SLC27A6: variants seen among roughly 807,000 people sequenced by gnomAD.
The protein encoded by SLC27A6 is long-chain fatty acid transport protein 6.
SLC27A6 carries 74 observed loss-of-function variants against 63.9 expected under a neutral mutation model. That is an observed-to-expected ratio of 1.16 (90% CI 0.96 to 1.40). The LOEUF (loss-of-function observed/expected upper bound fraction) is 1.40, where lower values mean the gene tolerates loss of function less well. SLC27A6 is among the 40% of genes most tolerant of loss of function. SLC27A6 has a pLI of 0.00. For missense variants in SLC27A6, 794 were observed against 732.9 expected (o/e 1.08, Z -0.96); for synonymous variants, 287 against 260.8 (o/e 1.10, Z -0.97).
Position 128,990,171 on chromosome 5 carries a change from C to T in SLC27A6, c.845-169C>T, listed in dbSNP as rs374118900. 5.7e-4 allele frequency among the ~76,000 whole-genome samples: 87 copies of T among 152,164 alleles called. No individual in the cohort carries two copies. The South Asian group carries it at 0.013, about 22-fold the overall frequency. ...ACAATATTTTAACAGAGTTTTTGGA[C>T]GGTAAAAATTAGTGTTTCCAAATGA... On this transcript the variant is annotated intron_variant, in intron 3 of 9. Coordinates refer to ENST00000262462, the MANE Select transcript of SLC27A6 (RefSeq NM_001017372.3).
At chr5:129,027,080 G>A (rs745891985) in intron 6 of SLC27A6, 53 bp from the exon 7 acceptor site, 656 of 1,393,388 alleles carry the variant, frequency 4.7e-4, no homozygotes, top group Non-Finnish European at 6.2e-4. Flanking sequence ...TTCATGGTGT[G>A]TGTAACAATA....
chr5:128,988,826 AT>A, intron 3 of SLC27A6, 68 bp downstream of exon 3: 1 of 1,265,626 alleles, frequency 7.9e-7, no homozygotes, highest in Non-Finnish European at 1.1e-6. Flanking sequence ...ATTTATTAAC[AT>A]TTGAAGCTGT....
chr5:128,971,532 A>C (rs966513734), intron 1 of SLC27A6, among the ~76,000 whole-genome samples: 2 of 140,788 alleles, frequency 1.4e-5, no homozygotes, highest in African/African-American at 5.1e-5. Flanking sequence ...TTGTCTCTTG[A>C]TCTTTGTTGG....
chr5:128,974,297 G>A (rs1750299820), intron 1 of SLC27A6, among the ~76,000 whole-genome samples: 2 of 152,070 alleles, frequency 1.3e-5, no homozygotes, highest in African/African-American at 2.4e-5. Context: ...TCAGTTTTTT[G>A]TATTTAAAAA....
chr5:129,024,188 G>T (rs1168463646), intron 6 of SLC27A6, among the ~76,000 whole-genome samples: 4 of 152,142 alleles, frequency 2.6e-5, no homozygotes, highest in Admixed American at 2.6e-4. Flanking sequence ...GAGCCCTAGA[G>T]GGATCACTCA....
At chr5:128,968,095 C>T (rs958485112) in intron 1 of SLC27A6, among the ~76,000 whole-genome samples, 2 of 152,138 alleles carry the variant, frequency 1.3e-5, no homozygotes, top group Non-Finnish European at 2.9e-5. Context: ...ATGAACTCAT[C>T]CTTTTTTATG....
At chr5:129,019,357 A>G (rs192230054) in intron 5 of SLC27A6, among the ~76,000 whole-genome samples, 15 of 152,180 alleles carry the variant, frequency 9.9e-5, no homozygotes, top group African/African-American at 3.4e-4. Context: ...AGCTTGAAAA[A>G]AGGGAGAAAA....
chr5:128,970,231 T>A (rs1490746027), intron 1 of SLC27A6, among the ~76,000 whole-genome samples: 2 of 152,158 alleles, frequency 1.3e-5, no homozygotes, highest in African/African-American at 4.8e-5. Flanking sequence ...TTCTCTTTTT[T>A]TGTTGTGTCT....
intron 4 of SLC27A6, among the ~76,000 whole-genome samples, chr5:129,001,021 A>G: frequency 6.6e-6 from 1 of 152,216 alleles, no homozygotes; most frequent in Non-Finnish European, 1.5e-5. Context: ...TTGAAATCAC[A>G]GAAGTCTTTT....
At chr5:129,027,894 G>A (rs1752294857) in intron 7 of SLC27A6, among the ~76,000 whole-genome samples, 1 of 151,966 alleles carries the variant, frequency 6.6e-6, no homozygotes, top group South Asian at 2.1e-4. Flanking sequence ...AGGAGTCAAA[G>A]GGGGTTAACA....
At chr5:129,032,960 T>C (rs956103831) in intron 9 of SLC27A6, 146 bp from the exon 10 acceptor site, 4 of 441,500 alleles carry the variant, frequency 9.1e-6, no homozygotes, top group Non-Finnish European at 1.5e-5. Flanking sequence ...AATACATTTT[T>C]TATTTCTAGT....
chr5:129,012,967 T>A (rs1022735483), intron 4 of SLC27A6, among the ~76,000 whole-genome samples: 4 of 152,146 alleles, frequency 2.6e-5, no homozygotes, highest in Non-Finnish European at 4.4e-5. Context: ...TTTTATAGCT[T>A]CTATCTTGCT....
At chr5:129,012,147 A>G (rs1247238609) in intron 4 of SLC27A6, among the ~76,000 whole-genome samples, 4 of 151,882 alleles carry the variant, frequency 2.6e-5, no homozygotes, top group East Asian at 3.9e-4. Context: ...CATAATTTTT[A>G]TTCTGTCTTA....
intron 1 of SLC27A6, among the ~76,000 whole-genome samples, chr5:128,983,556 A>G (rs920328299): frequency 1.3e-5 from 2 of 152,060 alleles, no homozygotes; most frequent in Non-Finnish European, 2.9e-5. Flanking sequence ...CGGCCTCCCA[A>G]AGTGCTGGAA....
At chr5:128,968,518 A>G (rs986994845) in intron 1 of SLC27A6, among the ~76,000 whole-genome samples, 3 of 152,126 alleles carry the variant, frequency 2.0e-5, no homozygotes, top group South Asian at 2.1e-4. Context: ...GCCAGTGATG[A>G]TGAGCATTTT....
At position 129,015,995 on chromosome 5, in the gene SLC27A6, T is replaced by C; in HGVS notation, c.1080T>C (p.Leu360=). 6.2e-7 allele frequency: 1 copy of C among 1,611,100 alleles called. No individual in the cohort carries two copies. Among genetic ancestry groups the C allele is most frequent in the Non-Finnish European group, 8.5e-7 (1 of 1,178,950 alleles). The change falls in exon 5 of 10, where the codon CTT becomes CTC. Residue 360 remains leucine, a synonymous_variant. Transcript: ENST00000262462. The part of the protein sequence containing the change: ...DRFGNIKVCE[L]YAATESSISF... ...TTGGAAATATAAAGGTGTGTGAACT[T>C]TATGCAGCTACCGAATCAAGCATAT...
intron 1 of SLC27A6, among the ~76,000 whole-genome samples, chr5:128,970,335 T>A (rs1750095279): frequency 6.6e-6 from 1 of 152,204 alleles, no homozygotes; most frequent in African/African-American, 2.4e-5. Flanking sequence ...GAAGGAATGG[T>A]ACCAATTCCT....
At chr5:128,984,014 A>C (rs907968328) in intron 1 of SLC27A6, among the ~76,000 whole-genome samples, 2 of 152,240 alleles carry the variant, frequency 1.3e-5, no homozygotes, top group African/African-American at 4.8e-5. Flanking sequence ...TAACCTATAT[A>C]GCACTCAGAA....
intron 9 of SLC27A6, among the ~76,000 whole-genome samples, chr5:129,030,095 A>G (rs1191166855): frequency 6.6e-6 from 1 of 151,916 alleles, no homozygotes; most frequent in Non-Finnish European, 1.5e-5. Flanking sequence ...GCAGAACCTA[A>G]AGGCATCTGG....
Sources: allele counts gnomAD v4.1 joint callset (sites outside exome capture counted in the v4.1 genomes callset), GRCh38; gene constraint gnomAD v4.1.1; transcripts MANE v1.5; gene names NCBI Gene and HGNC (gene_info 2026-07-23, HGNC 2026-07-21).